Variants in CCDC33 observed in about 807,000 individuals in gnomAD.
CCDC33 encodes coiled-coil domain containing 33, also known as coiled-coil domain-containing protein 33.
In CCDC33, 94 loss-of-function variants were observed where a neutral mutation model predicts 91.9. The observed-to-expected ratio is 1.02, with a 90% CI of 0.87 to 1.21. CCDC33 has a LOEUF of 1.21. Ranked by LOEUF, CCDC33 falls within the 50% of genes most tolerant of loss-of-function variation. The pLI is 0.00. For synonymous variants in CCDC33, 396 were observed against 374.5 expected, an observed-to-expected ratio of 1.06 and a Z score of -0.66; for missense variants, 940 against 935.5, an observed-to-expected ratio of 1.00 and a Z score of -0.06.
At chr15:74,319,414 G>A (rs2060161347) in intron 11 of CCDC33, 1 of 152,580 alleles carries the variant, frequency 6.6e-6, no homozygotes, top group Non-Finnish European at 1.5e-5. Context: ...TCTGGCAGGA[G>A]GTGACCAGTG....
intron 1 of CCDC33, among the ~76,000 whole-genome samples, chr15:74,204,701 G>A (rs936909338): frequency 6.6e-6 from 1 of 152,200 alleles, no homozygotes. Flanking sequence ...GGGAGGCCGA[G>A]GCAGGTGGAT....
At chr15:74,213,878 G>T (rs752385434), upstream of CCDC33, among the ~76,000 whole-genome samples, 1 of 152,124 alleles carries the variant, frequency 6.6e-6, no homozygotes, top group Non-Finnish European at 1.5e-5. Context: ...TCACCTAATC[G>T]CAGTGGCCCA....
intron 7 of CCDC33, among the ~76,000 whole-genome samples, chr15:74,275,547 C>G (rs149222259): frequency 6.6e-6 from 1 of 152,196 alleles, no homozygotes; most frequent in Non-Finnish European, 1.5e-5. Flanking sequence ...GGTGGATGCT[C>G]AGGCTCAGAA....
At chr15:74,249,690 G>A (rs769283401) in intron 2 of CCDC33, among the ~76,000 whole-genome samples, 1 of 152,224 alleles carries the variant, frequency 6.6e-6, no homozygotes, top group Admixed American at 6.5e-5. Flanking sequence ...GGAGAGACCC[G>A]TGCACTAGGG....
intron 11 of CCDC33, among the ~76,000 whole-genome samples, chr15:74,307,797 A>G (rs899387053): frequency 1.3e-5 from 2 of 151,914 alleles, no homozygotes; most frequent in African/African-American, 4.8e-5. Context: ...CCATTCCTCT[A>G]CCTCAATAAA....
In CCDC33 at chr15:74,335,909, G is replaced by C; in HGVS notation, c.2140-16G>C. On this transcript the variant is annotated splice_polypyrimidine_tract_variant and intron_variant, in intron 18 of 18. Transcript: ENST00000398814. ...GGAATGGGGGGTACTCACGCACCCC[G>C]CTTTGCACACCACAGAGTGCCCTCA... 1 of 1,608,184 alleles carries C rather than the reference G, an allele frequency of 6.2e-7. No homozygotes were observed. The highest frequency in any genetic ancestry group is 1.1e-5 in the South Asian group (1 of 90,914).
At chr15:74,248,264 ATTTT>A (rs35386155) in intron 2 of CCDC33, among the ~76,000 whole-genome samples, 3 of 151,026 alleles carry the variant, frequency 2.0e-5, no homozygotes, top group Non-Finnish European at 4.4e-5. Flanking sequence ...TCTAAATTTT[ATTTT>A]TTATTTGTCA....
intron 11 of CCDC33, 60 bp downstream of exon 11, chr15:74,296,008 C>T: frequency 7.0e-7 from 1 of 1,432,100 alleles, no homozygotes; most frequent in Non-Finnish European, 9.5e-7. Context: ...GGGAAGGGGA[C>T]TTGACTGCCA....
chr15:74,313,744 T>TA (rs1276028519), intron 11 of CCDC33, among the ~76,000 whole-genome samples: 1 of 152,196 alleles, frequency 6.6e-6, no homozygotes, highest in Non-Finnish European at 1.5e-5. Context: ...CTTCTTACCC[T>TA]GTCTGGGCTC....
chr15:74,212,617 G>A (rs2074378561), upstream of CCDC33: 1 of 152,220 alleles, frequency 6.6e-6, no homozygotes, highest in Non-Finnish European at 1.5e-5. Flanking sequence ...TCGGTGGAAG[G>A]AAGAGACGAG....
chr15:74,215,938 G>T (rs1001687012), upstream of CCDC33, among the ~76,000 whole-genome samples: 1 of 152,030 alleles, frequency 6.6e-6, no homozygotes, highest in East Asian at 1.9e-4. Flanking sequence ...GGGAAAGAAG[G>T]GAGAGCAAGG....
At chr15:74,329,839 T>C (rs1420800439) in intron 11 of CCDC33, among the ~76,000 whole-genome samples, 7 of 152,192 alleles carry the variant, frequency 4.6e-5, no homozygotes, top group Admixed American at 3.3e-4. Context: ...GAAATAGCTA[T>C]GATCGAGCCA....
At chr15:74,307,809 A>G (rs2059917789) in intron 11 of CCDC33, among the ~76,000 whole-genome samples, 1 of 152,062 alleles carries the variant, frequency 6.6e-6, no homozygotes, top group South Asian at 2.1e-4. Context: ...CTCAATAAAT[A>G]CACCTTATGA....
chr15:74,286,734 G>C (rs2059482274), intron 10 of CCDC33, among the ~76,000 whole-genome samples: 1 of 152,102 alleles, frequency 6.6e-6, no homozygotes, highest in Admixed American at 6.5e-5. Flanking sequence ...CTCTCAGATG[G>C]GTGGCCACAC....
At chr15:74,289,754 C>T (rs1299925781) in intron 10 of CCDC33, among the ~76,000 whole-genome samples, 2 of 151,164 alleles carry the variant, frequency 1.3e-5, no homozygotes, top group East Asian at 3.9e-4. Context: ...GCCACTACAC[C>T]CCAGCCTGGG....
rs2074497372 is a variant in CCDC33 at position 74,218,159 on chromosome 15, G to A, written c.311-338G>A. Among the ~76,000 whole-genome samples, 1 of 152,200 alleles carries A rather than the reference G, an allele frequency of 6.6e-6. No homozygotes were observed. On this transcript the variant is annotated intron_variant, in intron 1 of 2. Transcript: ENST00000635913. The surrounding 1 kb of genome is among the most constrained non-coding windows in gnomAD (Gnocchi z 4.8). ...GGATGTGAGGGAACAGGGAAACCAA[G>A]TCCCAGACTTTAAATGGCTATAAAT...
chr15:74,330,591 C>T, intron 12 of CCDC33, 72 bp from the exon 13 acceptor site: 1 of 1,295,314 alleles, frequency 7.7e-7, no homozygotes, highest in South Asian at 1.2e-5. Context: ...ATCTGCCTTC[C>T]TGCTACTGAC....
At chr15:74,205,096 G>A (rs949587957) in intron 1 of CCDC33, among the ~76,000 whole-genome samples, 1 of 152,216 alleles carries the variant, frequency 6.6e-6, no homozygotes, top group African/African-American at 2.4e-5. Context: ...CACCAGAGGG[G>A]AAGTGAAGTG....
chr15:74,249,373 A>C (rs2075632102), intron 2 of CCDC33, among the ~76,000 whole-genome samples: 1 of 152,068 alleles, frequency 6.6e-6, no homozygotes, highest in South Asian at 2.1e-4. Flanking sequence ...CTGTAGTCCC[A>C]GCTACTCGGG....
Sources: allele counts gnomAD v4.1 joint callset (sites outside exome capture counted in the v4.1 genomes callset), GRCh38; gene constraint gnomAD v4.1.1; non-coding constraint Gnocchi (gnomAD v3.1); transcripts MANE v1.5; gene names NCBI Gene and HGNC (gene_info 2026-07-23, HGNC 2026-07-21).